GSK3B: variants seen among roughly 807,000 people sequenced by gnomAD.
GSK3B encodes the protein glycogen synthase kinase-3 beta.
GSK3B carries 15 observed loss-of-function variants against 56.4 expected under a neutral mutation model. The ratio of observed to expected loss-of-function variants is 0.27; its 90% confidence interval spans 0.18 to 0.41. GSK3B has a LOEUF of 0.41. Among genes scored for constraint, GSK3B ranks in the 10% least tolerant of loss-of-function variants. GSK3B has a pLI of 1.00. For missense variants in GSK3B, 300 were observed against 513.4 expected (o/e 0.58, Z 4.02); for synonymous variants, 181 against 188.9 (o/e 0.96, Z 0.34).
At chr3:119,847,684 C>T (rs954384158) in intron 9 of GSK3B, among the ~76,000 whole-genome samples, 6 of 151,906 alleles carry the variant, frequency 3.9e-5, no homozygotes, top group Non-Finnish European at 7.4e-5. Flanking sequence ...AAGATGTGGC[C>T]AAAGTTTTGG....
chr3:120,060,185 C>A (rs1237166799), intron 1 of GSK3B, among the ~76,000 whole-genome samples: 4 of 151,946 alleles, frequency 2.6e-5, no homozygotes, highest in African/African-American at 9.7e-5. Context: ...ATCTATTATA[C>A]ATTACAAGGT....
chr3:120,013,867 A>AAC (rs1491031119), intron 1 of GSK3B, among the ~76,000 whole-genome samples: 3 of 151,866 alleles, frequency 2.0e-5, no homozygotes, highest in African/African-American at 4.8e-5. Flanking sequence ...AAAAAAAAAA[A>AAC]ACTATTAAAA....
intron 2 of GSK3B, among the ~76,000 whole-genome samples, chr3:119,974,476 A>G (rs2057393771): frequency 6.6e-6 from 1 of 152,104 alleles, no homozygotes; most frequent in Admixed American, 6.5e-5. Flanking sequence ...CCCTTATAAA[A>G]GATGCCCCCA....
At chr3:119,951,882 T>C (rs2057160298) in intron 2 of GSK3B, among the ~76,000 whole-genome samples, 1 of 151,720 alleles carries the variant, frequency 6.6e-6, no homozygotes, top group Admixed American at 6.6e-5. Flanking sequence ...ACATGAGAAT[T>C]AACTAGAGTT....
intron 8 of GSK3B, among the ~76,000 whole-genome samples, chr3:119,874,065 A>G (rs2056279178): frequency 6.6e-6 from 1 of 152,194 alleles, no homozygotes; most frequent in Admixed American, 6.6e-5. Flanking sequence ...AGGAAGATTT[A>G]CAGCATACAT....
At chr3:119,861,331 C>T (rs1003118511) in intron 9 of GSK3B, among the ~76,000 whole-genome samples, 3 of 151,746 alleles carry the variant, frequency 2.0e-5, no homozygotes, top group Non-Finnish European at 2.9e-5. Flanking sequence ...GCCAACATGG[C>T]GAAACCCCGT....
chr3:119,879,390 C>T (rs1396732265), intron 7 of GSK3B, among the ~76,000 whole-genome samples: 1 of 152,044 alleles, frequency 6.6e-6, no homozygotes, highest in African/African-American at 2.4e-5. Context: ...ACAGTGGTAG[C>T]CAGGATGGTC....
intron 2 of GSK3B, among the ~76,000 whole-genome samples, chr3:119,961,463 A>G (rs1352922794): frequency 6.6e-6 from 1 of 152,046 alleles, no homozygotes; most frequent in Non-Finnish European, 1.5e-5. Flanking sequence ...CTCCGTCTCT[A>G]CTAAAAATAC....
chr3:120,001,332 G>A (rs2057674934), intron 2 of GSK3B, among the ~76,000 whole-genome samples: 1 of 152,094 alleles, frequency 6.6e-6, no homozygotes. Flanking sequence ...AGGAGATTGA[G>A]ACTAGCTTGG....
At chr3:119,912,469 C>T (rs2056743898) in intron 6 of GSK3B, among the ~76,000 whole-genome samples, 1 of 151,128 alleles carries the variant, frequency 6.6e-6, no homozygotes, top group Non-Finnish European at 1.5e-5. Flanking sequence ...GGCAGACTTG[C>T]TTGACTCAGG....
At chr3:119,917,760 C>A (rs1197113471) in intron 4 of GSK3B, among the ~76,000 whole-genome samples, 1 of 150,632 alleles carries the variant, frequency 6.6e-6, no homozygotes, top group African/African-American at 2.4e-5. Flanking sequence ...ACTCTATCTT[C>A]ATTGTTTTGA....
At chr3:119,931,531 G>A (rs2056945756) in intron 3 of GSK3B, among the ~76,000 whole-genome samples, 1 of 152,042 alleles carries the variant, frequency 6.6e-6, no homozygotes, top group Non-Finnish European at 1.5e-5. Context: ...CATGAGAATC[G>A]CTTCAACCCA....
chr3:119,852,597 C>T (rs1577315987), intron 9 of GSK3B, among the ~76,000 whole-genome samples: 1 of 152,150 alleles, frequency 6.6e-6, no homozygotes, highest in East Asian at 1.9e-4. Context: ...ATCTGCTCAC[C>T]CCCGCCTCCC....
At chr3:120,003,436 C>A (rs180743448) in intron 1 of GSK3B, among the ~76,000 whole-genome samples, 1 of 152,210 alleles carries the variant, frequency 6.6e-6, no homozygotes, top group African/African-American at 2.4e-5. Context: ...TTTCTTCTCT[C>A]TTCCCTGACA....
At chr3:120,045,029 T>C (rs949263302) in intron 1 of GSK3B, among the ~76,000 whole-genome samples, 13 of 152,198 alleles carry the variant, frequency 8.5e-5, no homozygotes, top group African/African-American at 3.1e-4. Flanking sequence ...GTTGTAATAC[T>C]TGTACTCATT....
chr3:119,960,535 T>C (rs1165480340), intron 2 of GSK3B, among the ~76,000 whole-genome samples: 6 of 152,246 alleles, frequency 3.9e-5, no homozygotes, highest in African/African-American at 1.4e-4. Context: ...GATAATGTAC[T>C]ATAATTTTGC....
Position 119,965,805 on chromosome 3 carries a change from T to C in GSK3B, c.283-18454A>G, listed in dbSNP as rs73854754. On this transcript the variant is annotated intron_variant, in intron 2 of 10. Coordinates refer to ENST00000264235, the MANE Select transcript of GSK3B (RefSeq NM_001146156.2). Reference sequence around the variant, plus strand: ...CACACAGAGTGTCTGCCAAAAATAATTTAAAAAAATTTTAAAGGCATTACC... The same window carrying C: ...CACACAGAGTGTCTGCCAAAAATAACTTAAAAAAATTTTAAAGGCATTACC... Among the ~76,000 whole-genome samples the C allele has an allele frequency of 4.9e-3, 751 of 151,780 alleles. 3 individuals carry two copies. The highest frequency in any genetic ancestry group is 0.017 in the African/African-American group (705 of 41,518).
intron 8 of GSK3B, among the ~76,000 whole-genome samples, chr3:119,873,372 T>C (rs544205565): frequency 6.6e-6 from 1 of 152,030 alleles, no homozygotes; most frequent in African/African-American, 2.4e-5. Flanking sequence ...ATCTTGGGGA[T>C]ATAGCTGCAC....
At position 120,088,322 on chromosome 3, in the gene GSK3B, A is replaced by G. The variant is rs74512136; in HGVS notation, c.88+5025T>C. ...ATTTAAAAAAATAGAAAACTCAATA[A>G]CGTAAAATGGAATATTCCTTTTTTA... On this transcript the variant is annotated intron_variant, in intron 1 of 10. Coordinates refer to ENST00000264235, the MANE Select transcript of GSK3B (RefSeq NM_001146156.2). Among the ~76,000 whole-genome samples, 740 of 152,368 alleles carry G rather than the reference A, an allele frequency of 4.9e-3. 51 individuals carry two copies. In the East Asian group the frequency reaches 0.11, roughly 22 times the overall value.
Sources: allele counts gnomAD v4.1 joint callset (sites outside exome capture counted in the v4.1 genomes callset), GRCh38; gene constraint gnomAD v4.1.1; transcripts MANE v1.5; gene names NCBI Gene and HGNC (gene_info 2026-07-23, HGNC 2026-07-21).